CACNA1I: variants seen among roughly 807,000 people sequenced by gnomAD.
CACNA1I encodes voltage-dependent T-type calcium channel subunit alpha-1I.
A neutral mutation model predicts 201.6 loss-of-function variants in CACNA1I; 74 were observed. That is an observed-to-expected ratio of 0.37 (90% CI 0.30 to 0.45). The LOEUF (loss-of-function observed/expected upper bound fraction) is 0.45, where lower values mean the gene tolerates loss of function less well. CACNA1I is among the 20% of genes least tolerant of loss of function. The pLI is 1.00. For missense variants in CACNA1I, 2,346 were observed against 3,138.1 expected (o/e 0.75, Z 6.03); for synonymous variants, 1,431 against 1,345.2 (o/e 1.06, Z -1.40).
intron 4 of CACNA1I, among the ~76,000 whole-genome samples, chr22:39,630,672 G>A (rs138040457): frequency 1.3e-5 from 2 of 152,362 alleles, no homozygotes; most frequent in African/African-American, 4.8e-5. Context: ...ATGATGGAGG[G>A]CGGGTGGGCA....
Position 39,678,121 on chromosome 22 carries a change from G to T in CACNA1I, c.5055+13G>T. 1.2e-6 allele frequency: 2 copies of T among 1,608,696 alleles called. No individual in the cohort carries two copies. The highest frequency in any genetic ancestry group is 1.1e-5 in the South Asian group (1 of 90,314). On this transcript the variant is annotated intron_variant, in intron 31 of 36. Transcript: ENST00000402142. The stretch of plus-strand genomic sequence containing the variant: ...CGGGATCATGAAGGTACTCCTGGGC[G>T]GGCTGGGGTGGAGAAATCAGCCAGG...
At chr22:39,632,281 G>A (rs906233960) in intron 4 of CACNA1I, among the ~76,000 whole-genome samples, 9 of 152,078 alleles carry the variant, frequency 5.9e-5, no homozygotes, top group Non-Finnish European at 8.8e-5. Flanking sequence ...TCCTGGCCTC[G>A]GGGCTCGCCC....
chr22:39,621,012 C>T (rs892019742), intron 4 of CACNA1I, among the ~76,000 whole-genome samples: 1 of 152,188 alleles, frequency 6.6e-6, no homozygotes, highest in African/African-American at 2.4e-5. Flanking sequence ...CCCACCTTGG[C>T]TTCCCAAAGT....
chr22:39,674,158 G>A (rs1017957323), intron 29 of CACNA1I, 125 bp downstream of exon 29: 45 of 881,790 alleles, frequency 5.1e-5, no homozygotes, highest in Non-Finnish European at 7.2e-5. Context: ...GCTGTCTCTG[G>A]GGATGCATTT....
Position 39,677,893 on chromosome 22 carries a change from T to G in CACNA1I, c.4934-94T>G. 2 of 1,385,368 alleles carry G rather than the reference T, an allele frequency of 1.4e-6. No individual in the cohort carries two copies. Among genetic ancestry groups the G allele is most frequent in the Non-Finnish European group, 1.9e-6 (2 of 1,031,294 alleles). The allele number at this position is 1,385,368 out of a possible 1,614,324, so 85.8% of individuals were successfully genotyped here. A position where few individuals can be genotyped will look rare whatever the true frequency, so the allele number is the denominator to read the frequency against. ...TCTGCAGGCCCCTCCTAGGGTGTGA[T>G]GAGGGTTCTGAGGCGAGGCGGGAGG... On this transcript the variant is annotated intron_variant, in intron 30 of 36. Coordinates refer to ENST00000402142, the MANE Select transcript of CACNA1I (RefSeq NM_021096.4). The surrounding 1 kb of genome is among the most constrained non-coding windows in gnomAD (Gnocchi z 4.8).
chr22:39,621,741 C>T (rs1283892051), intron 4 of CACNA1I, among the ~76,000 whole-genome samples: 3 of 151,578 alleles, frequency 2.0e-5, no homozygotes, highest in African/African-American at 2.4e-5. Flanking sequence ...CGAGGTAGGG[C>T]AAGTGAGTAG....
At chr22:39,681,543 A>C (rs1935708375) in intron 34 of CACNA1I, among the ~76,000 whole-genome samples, 1 of 152,216 alleles carries the variant, frequency 6.6e-6, no homozygotes, top group African/African-American at 2.4e-5. Flanking sequence ...AAATGGTTCC[A>C]AGAAGTGGGG....
chr22:39,678,845 C>G (rs1025159592), intron 31 of CACNA1I, among the ~76,000 whole-genome samples: 3 of 152,184 alleles, frequency 2.0e-5, no homozygotes, highest in Non-Finnish European at 4.4e-5. Flanking sequence ...GGGAAGCAGG[C>G]CAGCTGTGGG....
intron 10 of CACNA1I, chr22:39,656,489 C>G (rs763451702): frequency 2.5e-5 from 13 of 515,090 alleles, no homozygotes; most frequent in Non-Finnish European, 4.7e-5. Context: ...TCAGCACACA[C>G]TGGCTTGGTT....
At chr22:39,604,679 GGTGAT>G (rs1933158899) in intron 3 of CACNA1I, among the ~76,000 whole-genome samples, 1 of 151,972 alleles carries the variant, frequency 6.6e-6, no homozygotes, top group African/African-American at 2.4e-5. Context: ...CCTGGACTCA[GGTGAT>G]CCTCCCACTT....
At chr22:39,595,182 A>C (rs1357077677) in intron 1 of CACNA1I, among the ~76,000 whole-genome samples, 2 of 151,198 alleles carry the variant, frequency 1.3e-5, no homozygotes, top group African/African-American at 4.9e-5. Flanking sequence ...CCAGCTGCTC[A>C]GGAGGTTGAG....
intron 5 of CACNA1I, among the ~76,000 whole-genome samples, chr22:39,638,669 T>TC (rs368973127): frequency 2.6e-5 from 4 of 152,284 alleles, no homozygotes; most frequent in African/African-American, 9.6e-5. Flanking sequence ...GTCTTTTTTT[T>TC]CCCCCTAGTG....
At position 39,662,194 on chromosome 22, in the gene CACNA1I, C is replaced by A. The variant is rs1375088340; in HGVS notation, c.3131C>A (p.Pro1044His). The A allele has an allele frequency of 6.5e-7, 1 of 1,529,446 alleles. No homozygotes were observed. The highest frequency in any genetic ancestry group is 2.0e-5 in the Admixed American group (1 of 49,674). 94.7% of individuals were successfully genotyped at this position (1,529,446 alleles called of 1,614,324 possible). A position where few individuals can be genotyped will look rare whatever the true frequency, so the allele number is the denominator to read the frequency against. ...TPHAHHIHHG[P>H]HLAHRHRHHR... Reference sequence around the variant, plus strand: ...CACGCCCACCACATTCATCACGGGCCCCATCTGGCGCACCGCCACCGCCAC... The same window carrying A: ...CACGCCCACCACATTCATCACGGGCACCATCTGGCGCACCGCCACCGCCAC... Residue 1044 changes from proline (P) to histidine (H), a missense_variant, in exon 17 of 37, where the codon CCC becomes CAC. Coordinates refer to ENST00000402142, the MANE Select transcript of CACNA1I (RefSeq NM_021096.4).
intron 1 of CACNA1I, among the ~76,000 whole-genome samples, chr22:39,592,059 G>A (rs1391686464): frequency 1.3e-5 from 2 of 152,226 alleles, no homozygotes; most frequent in Non-Finnish European, 2.9e-5. Context: ...GTGCGGGGAC[G>A]TGGGTAGGAA....
chr22:39,649,598 C>A lies in CACNA1I; in HGVS notation c.1665C>A (p.Cys555Ter). ...CTTCCGATCCCGCCAGCTGCCCTTG[C>A]TGCCAGCATGAGGACGGCCGGCGGC... is the stretch of plus-strand genomic sequence containing the variant. ...TLASDPASCP[C>*]CQHEDGRRPS... Residue 555 changes from cysteine to a stop codon, truncating the protein, a stop_gained, in exon 10 of 37, where the codon TGC becomes TGA. Coordinates refer to ENST00000402142, the MANE Select transcript of CACNA1I (RefSeq NM_021096.4). LOFTEE classifies it high-confidence loss of function. The surrounding 1 kb of genome is among the most constrained non-coding windows in gnomAD (Gnocchi z 7.3). 1 of 1,543,086 alleles carries A rather than the reference C, an allele frequency of 6.5e-7. No individual in the cohort carries two copies. Among genetic ancestry groups the A allele is most frequent in the South Asian group, 1.2e-5 (1 of 82,808 alleles).
Position 39,661,283 on chromosome 22 carries a change from G to A in CACNA1I, c.2874G>A (p.Gly958=), listed in dbSNP as rs200092776. Residue 958 remains glycine (G), a synonymous_variant, in exon 16 of 37, where the codon GGG becomes GGA. Transcript: ENST00000402142. The stretch of plus-strand genomic sequence containing the variant: ...GAAAGAGCAGTGTCATGTCTCTAGG[G>A]AGGATGAGCTATGACCAGCGCTCCC... ...GSRKSSVMSL[G]RMSYDQRSLS... 3.8e-6 allele frequency: 6 copies of A among 1,595,526 alleles called. No homozygotes were observed. The Admixed American group carries it at 5.2e-5, about 14-fold the overall frequency.
chr22:39,599,710 C>T (rs549333170), intron 2 of CACNA1I, among the ~76,000 whole-genome samples: 3 of 151,492 alleles, frequency 2.0e-5, no homozygotes, highest in South Asian at 4.2e-4. Context: ...GTCTGGGGTC[C>T]GAGTGGGTAA....
intron 1 of CACNA1I, among the ~76,000 whole-genome samples, chr22:39,581,487 C>T (rs187995599): frequency 4.8e-4 from 73 of 152,288 alleles, no homozygotes; most frequent in Non-Finnish European, 3.5e-4. Flanking sequence ...GGCCCTGAGT[C>T]ACCCGTTTGA....
chr22:39,672,612 T>C (rs1173954364), intron 27 of CACNA1I, among the ~76,000 whole-genome samples: 1 of 152,116 alleles, frequency 6.6e-6, no homozygotes, highest in Non-Finnish European at 1.5e-5. Context: ...ATAGTGAGGC[T>C]CAAAGAAGTT....
Sources: gnomAD v4.1 joint callset for allele counts (sites outside exome capture counted in the v4.1 genomes callset) on GRCh38, gnomAD v4.1.1 for gene constraint, Gnocchi (gnomAD v3.1) non-coding constraint, MANE v1.5 for transcripts, NCBI Gene and HGNC (gene_info 2026-07-23, HGNC 2026-07-21) for gene names.